Variants in FRAS1 observed in about 807,000 individuals in gnomAD.
FRAS1 encodes the protein extracellular matrix organizing protein FRAS1.
Under a neutral mutation model 435.2 loss-of-function variants are expected in FRAS1, and 290 were observed. The ratio of observed to expected loss-of-function variants is 0.67; its 90% CI spans 0.61 to 0.73. The LOEUF (loss-of-function observed/expected upper bound fraction) is 0.73. Ranked by LOEUF, FRAS1 falls within the 30% of genes least tolerant of loss-of-function variation. The pLI is 0.00. For synonymous variants in FRAS1, 1,800 were observed against 1,851.0 expected (o/e 0.97, Z 0.71); for missense variants, 4,860 against 5,001.5 (o/e 0.97, Z 0.85).
At chr4:78,481,665 G>A in intron 56 of FRAS1, 139 bp from the exon 57 acceptor site, 7 of 862,836 alleles carry the variant, frequency 8.1e-6, no homozygotes, top group East Asian at 2.4e-5. Context: ...GGCCATAGGA[G>A]CATCACTGAA....
intron 34 of FRAS1, among the ~76,000 whole-genome samples, chr4:78,422,491 C>A (rs1733825940): frequency 2.0e-5 from 3 of 152,100 alleles, no homozygotes; most frequent in Admixed American, 2.0e-4. Flanking sequence ...TGGGTAGAAG[C>A]TGACGAGGAA....
intron 47 of FRAS1, among the ~76,000 whole-genome samples, chr4:78,455,573 G>C (rs1387501348): frequency 6.6e-6 from 1 of 152,148 alleles, no homozygotes; most frequent in Non-Finnish European, 1.5e-5. Flanking sequence ...TTGTTAACTG[G>C]GAAATAGACT....
chr4:78,153,053 A>G (rs992111866), intron 2 of FRAS1, among the ~76,000 whole-genome samples: 5 of 151,994 alleles, frequency 3.3e-5, no homozygotes, highest in Non-Finnish European at 4.4e-5. Context: ...CTTTATATCA[A>G]TTTGTGTTCC....
intron 26 of FRAS1, chr4:78,379,335 CT>C: frequency 5.3e-6 from 1 of 188,790 alleles, no homozygotes; most frequent in Non-Finnish European, 1.1e-5. Context: ...AGCCATTAGC[CT>C]TTAGTTTGGC....
At chr4:78,501,031 T>C (rs1418450767) in intron 61 of FRAS1, among the ~76,000 whole-genome samples, 1 of 152,180 alleles carries the variant, frequency 6.6e-6, no homozygotes, top group Non-Finnish European at 1.5e-5. Flanking sequence ...GTTTGTTACA[T>C]AGGTATGCAT....
intron 55 of FRAS1, 139 bp from the exon 56 acceptor site, chr4:78,479,235 A>T (rs1370309813): frequency 1.0e-5 from 5 of 482,938 alleles, no homozygotes; most frequent in African/African-American, 9.9e-5. Flanking sequence ...ACTGCAATTC[A>T]GGAAGGTTTT....
chr4:78,080,920 C>G (rs1453219252), intron 2 of FRAS1, among the ~76,000 whole-genome samples: 9 of 152,168 alleles, frequency 5.9e-5, no homozygotes, highest in Non-Finnish European at 1.0e-4. Flanking sequence ...TGGAGATGGG[C>G]TATGCATCCC....
rs572558516 is a variant in FRAS1 at position 78,312,624 on chromosome 4, C to T, written c.1679-2970C>T. Among the ~76,000 whole-genome samples, 20 of 151,582 alleles carry T rather than the reference C, an allele frequency of 1.3e-4. No individual in the cohort carries two copies. The South Asian group carries it at 2.9e-3, about 22-fold the overall frequency. On this transcript the variant is annotated intron_variant, in intron 15 of 73. Coordinates refer to ENST00000512123, the MANE Select transcript of FRAS1 (RefSeq NM_025074.7). ...AGAGGATCTCTTGAGCTCAGGAGTTCGAGACCAGGCTGGGCAATATAGTGA... is the reference window on the plus strand; with the variant it reads ...AGAGGATCTCTTGAGCTCAGGAGTTTGAGACCAGGCTGGGCAATATAGTGA...
At chr4:78,183,669 G>A (rs926322924) in intron 2 of FRAS1, among the ~76,000 whole-genome samples, 1 of 151,694 alleles carries the variant, frequency 6.6e-6, no homozygotes, top group Non-Finnish European at 1.5e-5. Flanking sequence ...CCATAGTTCT[G>A]GGCATGAGGT....
intron 36 of FRAS1, 145 bp downstream of exon 36, chr4:78,429,371 C>A: frequency 9.7e-7 from 1 of 1,034,584 alleles, no homozygotes; most frequent in Non-Finnish European, 1.4e-6. Context: ...TCCTCCTGCC[C>A]ATTTCTATGC....
intron 38 of FRAS1, among the ~76,000 whole-genome samples, chr4:78,434,577 GT>G (rs1204280900): frequency 6.6e-6 from 1 of 152,080 alleles, no homozygotes; most frequent in Non-Finnish European, 1.5e-5. Flanking sequence ...ATACCTATGA[GT>G]AAATGTAACA....
intron 3 of FRAS1, among the ~76,000 whole-genome samples, chr4:78,239,954 A>C (rs144002194): frequency 6.6e-6 from 1 of 151,964 alleles, no homozygotes; most frequent in African/African-American, 2.4e-5. Flanking sequence ...GATACTAACT[A>C]CTATCTATTT....
chr4:78,112,526 C>G (rs1015158955), intron 2 of FRAS1, among the ~76,000 whole-genome samples: 1 of 151,996 alleles, frequency 6.6e-6, no homozygotes, highest in African/African-American at 2.4e-5. Flanking sequence ...GCAACACAAA[C>G]TATTAATGCA....
rs1722094045 is a variant in FRAS1, at chr4:78,542,593, C to G, written c.*1469C>G. ...TCAAGCTCTTTGAGAACATTCCAAACTAGTAACATTTCGCTACTAAAAGCT... is the reference window on the plus strand; with the variant it reads ...TCAAGCTCTTTGAGAACATTCCAAAGTAGTAACATTTCGCTACTAAAAGCT... On this transcript the variant is annotated 3_prime_UTR_variant, in exon 74 of 74. Coordinates refer to ENST00000512123, the MANE Select transcript of FRAS1 (RefSeq NM_025074.7). 1 of 152,644 alleles carries G rather than the reference C, an allele frequency of 6.6e-6. No homozygotes were observed. The highest frequency in any genetic ancestry group is 2.4e-5 in the African/African-American group (1 of 41,442). 9.5% of individuals were successfully genotyped at this position (152,644 alleles called of 1,614,324 possible).
chr4:78,456,661 T>A (rs1719211402), intron 47 of FRAS1, among the ~76,000 whole-genome samples: 1 of 152,152 alleles, frequency 6.6e-6, no homozygotes, highest in African/African-American at 2.4e-5. Context: ...GGGTACAAGT[T>A]GTCACACTGA....
intron 15 of FRAS1, among the ~76,000 whole-genome samples, chr4:78,313,511 C>CT (rs1363658706): frequency 1.3e-5 from 2 of 152,086 alleles, no homozygotes; most frequent in African/African-American, 4.8e-5. Flanking sequence ...GGAAGGTTTG[C>CT]TTTTTTTATT....
Position 78,333,275 on chromosome 4 carries a change from G to A in FRAS1, c.2141G>A (p.Cys714Tyr). 1 of 1,601,072 alleles carries A rather than the reference G, an allele frequency of 6.2e-7. No homozygotes were observed. The highest frequency in any genetic ancestry group is 8.5e-7 in the Non-Finnish European group (1 of 1,174,040). ...CTTTGCTTTATCTTTCCCCCAGCTT[G>A]CCACCAGTCCTGTTTCAGATGTGCA... The part of the protein sequence containing the change: ...YLESTGICEA[C>Y]HQSCFRCAGK... The change falls in exon 19 of 74, where the codon TGC (cysteine) becomes TAC (tyrosine). Residue 714 changes from cysteine to tyrosine, a missense_variant. Coordinates refer to ENST00000512123, the MANE Select transcript of FRAS1 (RefSeq NM_025074.7).
At chr4:78,536,522 A>G (rs535403161) in intron 71 of FRAS1, among the ~76,000 whole-genome samples, 71 of 152,280 alleles carry the variant, frequency 4.7e-4, no homozygotes, top group African/African-American at 1.6e-3. Flanking sequence ...CAAATCACTT[A>G]GCCCCACTCA....
Position 78,370,114 on chromosome 4 carries a change from A to G in FRAS1, c.2869+130A>G, listed in dbSNP as rs563489996. The G allele has an allele frequency of 1.7e-3, 1,328 of 775,962 alleles. 3 individuals are homozygous for G. The highest frequency in any genetic ancestry group is 2.2e-3 in the Non-Finnish European group (1,067 of 493,166). The allele number at this position is 775,962 out of a possible 1,614,324, so 48.1% of individuals were successfully genotyped here. A position where few individuals can be genotyped will look rare whatever the true frequency, so the allele number is the denominator to read the frequency against. On this transcript the variant is annotated intron_variant, in intron 23 of 73. Transcript: ENST00000512123. ...TTGACTGTCTCTGATGATAGCAACA[A>G]TTGTGTGTGTATGTATATATTCATT...
Sources: allele counts gnomAD v4.1 joint callset (sites outside exome capture counted in the v4.1 genomes callset), GRCh38; gene constraint gnomAD v4.1.1; transcripts MANE v1.5; gene names NCBI Gene and HGNC (gene_info 2026-07-23, HGNC 2026-07-21).